Variants in MLLT6 observed in about 807,000 individuals in gnomAD.
MLLT6 encodes protein AF-17.
A neutral mutation model predicts 103.0 loss-of-function variants in MLLT6; 22 were observed. That is an observed-to-expected ratio of 0.21 (90% CI 0.15 to 0.31). The LOEUF (loss-of-function observed/expected upper bound fraction) is 0.31, where lower values mean the gene tolerates loss of function less well. MLLT6 is among the 10% of genes least tolerant of loss of function. The probability of loss-of-function intolerance (pLI) is 1.00; values close to 1 mark genes in which losing one functional copy is unlikely to be tolerated. For missense variants in MLLT6, 1,199 were observed against 1,441.7 expected (o/e 0.83, Z 2.73); for synonymous variants, 606 against 623.5 (o/e 0.97, Z 0.42).
intron 18 of MLLT6, among the ~76,000 whole-genome samples, chr17:38,723,719 CAA>C (rs1281875336): frequency 6.8e-6 from 1 of 147,510 alleles, no homozygotes; most frequent in East Asian, 2.0e-4. Context: ...GCAAACAAAA[CAA>C]AAGAGAAAGG....
Position 38,713,459 on chromosome 17 carries a change from G to C in MLLT6, c.819+670G>C, listed in dbSNP as rs115680468. The C allele has an allele frequency of 4.3e-3, 881 of 204,252 alleles. 12 individuals carry two copies. The highest frequency in any genetic ancestry group is 0.019 in the African/African-American group (826 of 43,582). The allele number at this position is 204,252 out of a possible 1,614,324, so 12.7% of individuals were successfully genotyped here. A position where few individuals can be genotyped will look rare whatever the true frequency, so the allele number is the denominator to read the frequency against. On this transcript the variant is annotated intron_variant, in intron 8 of 19. Transcript: ENST00000621332. ...CATGGGAGGAGAACCTGGTAGGGTG[G>C]GGGGAGATGGAGAAACTGCTCCCTC... is the stretch of plus-strand genomic sequence containing the variant.
rs759569196 is a variant in MLLT6, at chr17:38,716,349, T to G, written c.1037-18T>G. 1.3e-6 allele frequency: 2 copies of G among 1,598,018 alleles called. No individual in the cohort carries two copies. Among genetic ancestry groups the G allele is most frequent in the Admixed American group, 1.8e-5 (1 of 54,170 alleles). ...GGGATCTGGGGTCCAGCTGTAACTG[T>G]TTCCCCTCTGTGCACAGTCTCGTCC... On this transcript the variant is annotated intron_variant, in intron 9 of 19. Transcript: ENST00000621332. This position sits in a 1 kb window ranked among gnomAD's most constrained non-coding sequence, Gnocchi z 5.6.
chr17:38,724,514 C>A lies in MLLT6; in HGVS notation c.2884-106C>A. The A allele has an allele frequency of 1.2e-6, 1 of 817,166 alleles. No individual in the cohort carries two copies. Among genetic ancestry groups the A allele is most frequent in the East Asian group, 2.7e-5 (1 of 37,130 alleles). The allele number at this position is 817,166 out of a possible 1,614,324, so 50.6% of individuals were successfully genotyped here. On this transcript the variant is annotated intron_variant, in intron 18 of 19. Transcript: ENST00000621332. The surrounding 1 kb of genome is among the most constrained non-coding windows in gnomAD (Gnocchi z 5.4). ...TGACTGTCTCACAGGCCTCTTGCCT[C>A]CTGATTCCAGTGTGATGGGGTGGGG...
In MLLT6 at chr17:38,721,960, A is replaced by C. The variant is rs1426560055; in HGVS notation, c.2525A>C (p.Gln842Pro). 2.6e-6 allele frequency: 4 copies of C among 1,517,838 alleles called. No homozygotes were observed. In the African/African-American group the frequency reaches 5.6e-5, roughly 21 times the overall value. The allele number at this position is 1,517,838 out of a possible 1,614,324, so 94.0% of individuals were successfully genotyped here. Reference sequence around the variant, plus strand: ...CCCCCACCGCTGCCCCTCCTCCAGCAGAGCCCTGCCACTCTGCCCCTGGCC... The same window carrying C: ...CCCCCACCGCTGCCCCTCCTCCAGCCGAGCCCTGCCACTCTGCCCCTGGCC... The part of the protein sequence containing the change: ...STPPPLPLLQ[Q>P]SPATLPLALP... Residue 842 changes from glutamine (Q) to proline (P), a missense_variant, in exon 17 of 20, where the codon CAG becomes CCG. Physicochemically the swap from Gln to Pro is moderately conservative, Grantham distance 76. This residue lies in a region of MLLT6 where 1,034 missense variants were observed against 1,091.5 expected (regional missense o/e 0.95). Transcript: ENST00000621332.
At position 38,720,508 on chromosome 17, in the gene MLLT6, G is replaced by A. The variant is rs752215141; in HGVS notation, c.2292G>A (p.Leu764=). ...NVQLSVPFPA[L]PAALPAANGP... is the part of the protein sequence containing the mutation. ...AGCTCTCTGTGCCCTTCCCTGCCCT[G>A]CCTGCTGCCCTGCCTGCCGCCAACG... Residue 764 remains leucine (L), a synonymous_variant, in exon 15 of 20, where the codon CTG becomes CTA. Coordinates refer to ENST00000621332, the MANE Select transcript of MLLT6 (RefSeq NM_005937.4). The A allele has an allele frequency of 6.2e-7, 1 of 1,612,378 alleles. No individual in the cohort carries two copies. Among genetic ancestry groups the A allele is most frequent in the South Asian group, 1.1e-5 (1 of 90,994 alleles).
At position 38,722,193 on chromosome 17, in the gene MLLT6, G is replaced by T. The variant is rs925834953; in HGVS notation, c.2758G>T (p.Ala920Ser). The T allele has an allele frequency of 6.6e-6, 9 of 1,365,694 alleles. No homozygotes were observed. The East Asian group carries it at 2.4e-4, about 36-fold the overall frequency. 84.6% of individuals were successfully genotyped at this position (1,365,694 alleles called of 1,614,324 possible). A position where few individuals can be genotyped will look rare whatever the true frequency, so the allele number is the denominator to read the frequency against. The part of the protein sequence containing the change: ...NPASLSQAGG[A>S]PTLQLPGCLN... ...CGCAAGCTTGAGCCAGGCTGGCGGG[G>T]CCCCCACGCTGCAGCTGCCAGGCTG... The change falls in exon 17 of 20, where the codon GCC becomes TCC. Residue 920 changes from alanine to serine, a missense_variant. By Grantham distance (99) the Ala-to-Ser change is moderately conservative. Transcript: ENST00000621332.
Position 38,728,386 on chromosome 17 carries a change from G to C in MLLT6, c.*2788G>C. 2 of 233,242 alleles carry C rather than the reference G, an allele frequency of 8.6e-6. No homozygotes were observed. Among genetic ancestry groups the C allele is most frequent in the Middle Eastern group, 1.2e-3 (1 of 808 alleles). 14.4% of individuals were successfully genotyped at this position (233,242 alleles called of 1,614,324 possible). A position where few individuals can be genotyped will look rare whatever the true frequency, so the allele number is the denominator to read the frequency against. ...CCCAGATTTGTAGATCTCTTTGTCTGGGGGAGGGGAAGGATGTGGTTTGCA... is the reference window on the plus strand; with the variant it reads ...CCCAGATTTGTAGATCTCTTTGTCTCGGGGAGGGGAAGGATGTGGTTTGCA... On this transcript the variant is annotated 3_prime_UTR_variant, in exon 20 of 20. Coordinates refer to ENST00000621332, the MANE Select transcript of MLLT6 (RefSeq NM_005937.4).
Position 38,716,215 on chromosome 17 carries a change from C to T in MLLT6, c.1037-152C>T, listed in dbSNP as rs1234146848. 2 of 788,088 alleles carry T rather than the reference C, an allele frequency of 2.5e-6. No homozygotes were observed. The highest frequency in any genetic ancestry group is 5.4e-5 in the East Asian group (2 of 37,166). 48.8% of individuals were successfully genotyped at this position (788,088 alleles called of 1,614,324 possible). On this transcript the variant is annotated intron_variant, in intron 9 of 19. Coordinates refer to ENST00000621332, the MANE Select transcript of MLLT6 (RefSeq NM_005937.4). This position sits in a 1 kb window ranked among gnomAD's most constrained non-coding sequence, Gnocchi z 5.6. ...GGGAAAGCTGGAGGGGTCGGGGGTA[C>T]TCATCCCAGGACACAGACAGTGGCA... is the stretch of plus-strand genomic sequence containing the variant.
chr17:38,709,049 C>T lies in MLLT6; in HGVS notation c.355-124C>T, dbSNP rs1177609908. The T allele has an allele frequency of 1.4e-6, 1 of 738,292 alleles. No individual in the cohort carries two copies. Among genetic ancestry groups the T allele is most frequent in the Non-Finnish European group, 2.3e-6 (1 of 437,426 alleles). 45.7% of individuals were successfully genotyped at this position (738,292 alleles called of 1,614,324 possible). ...CATAGAGCGTTTTCATCACTGCAGA[C>T]AGTTCTGTGGGATAGCACTGATCTA... On this transcript the variant is annotated intron_variant, in intron 4 of 19. Transcript: ENST00000621332. This position sits in a 1 kb window ranked among gnomAD's most constrained non-coding sequence, Gnocchi z 4.3.
Position 38,716,844 on chromosome 17 carries a change from G to T in MLLT6, c.1514G>T (p.Gly505Val), listed in dbSNP as rs185399581. Reference protein sequence around the residue: ...APSLPSAQLAGFTATAASPFS... With the variant: ...APSLPSAQLAVFTATAASPFS... Reference sequence around the variant, plus strand: ...TCCTTGCCCAGTGCCCAGCTGGCTGGCTTTACCGCCACTGCTGCCTCACCC... The same window carrying T: ...TCCTTGCCCAGTGCCCAGCTGGCTGTCTTTACCGCCACTGCTGCCTCACCC... Residue 505 changes from glycine to valine, a missense_variant, in exon 10 of 20, where the codon GGC (glycine) becomes GTC (valine). Coordinates refer to ENST00000621332, the MANE Select transcript of MLLT6 (RefSeq NM_005937.4). This position sits in a 1 kb window ranked among gnomAD's most constrained non-coding sequence, Gnocchi z 5.6. 93 of 1,612,708 alleles carry T rather than the reference G, an allele frequency of 5.8e-5. No homozygotes were observed. The highest frequency in any genetic ancestry group is 7.6e-5 in the Non-Finnish European group (90 of 1,179,444).
At position 38,721,946 on chromosome 17, in the gene MLLT6, G is replaced by T; in HGVS notation, c.2511G>T (p.Leu837=). ...SLSFHSTPPP[L]PLLQQSPATL... ...CCTTCCACAGCACGCCCCCACCGCT[G>T]CCCCTCCTCCAGCAGAGCCCTGCCA... The change falls in exon 17 of 20, where the codon CTG becomes CTT. Residue 837 remains leucine, a synonymous_variant. Coordinates refer to ENST00000621332, the MANE Select transcript of MLLT6 (RefSeq NM_005937.4). 1 of 1,531,650 alleles carries T rather than the reference G, an allele frequency of 6.5e-7. No homozygotes were observed. The allele number at this position is 1,531,650 out of a possible 1,614,324, so 94.9% of individuals were successfully genotyped here. A position where few individuals can be genotyped will look rare whatever the true frequency, so the allele number is the denominator to read the frequency against.
chr17:38,716,833 C>A lies in MLLT6; in HGVS notation c.1503C>A (p.Ala501=). ...CAGCTGCCCCATCCTTGCCCAGTGC[C>A]CAGCTGGCTGGCTTTACCGCCACTG... ...GGPAAPSLPS[A]QLAGFTATAA... The change falls in exon 10 of 20, where the codon GCC becomes GCA. Residue 501 remains alanine (A), a synonymous_variant. Coordinates refer to ENST00000621332, the MANE Select transcript of MLLT6 (RefSeq NM_005937.4). This position sits in a 1 kb window ranked among gnomAD's most constrained non-coding sequence, Gnocchi z 5.6. The A allele has an allele frequency of 6.2e-7, 1 of 1,612,754 alleles. No individual in the cohort carries two copies.
At chr17:38,719,328 G>A in intron 12 of MLLT6, 189 bp from the exon 13 acceptor site, 1 of 599,410 alleles carries the variant, frequency 1.7e-6, no homozygotes, top group Admixed American at 2.9e-5. Flanking sequence ...GATGCCCGGG[G>A]TTTGCCTCCC....
intron 14 of MLLT6, chr17:38,720,101 CCT>C (rs1905622304): frequency 1.3e-6 from 1 of 777,196 alleles, no homozygotes; most frequent in Non-Finnish European, 2.0e-6. Context: ...GCCTTCGTGG[CCT>C]CCGGGCCCCG....
rs1314622544 is a variant in MLLT6, at chr17:38,722,653, CCCCCA to C, written c.2793-20_2793-16del. On this transcript the variant is annotated intron_variant, in intron 17 of 19. Transcript: ENST00000621332. ...CCCCCATGGTCTGTGTGTTGTCCCC[CCCCCA>C]CCCCCCACCCCCACCTCAGCCTTAC... 5 of 456,294 alleles carry C rather than the reference CCCCCA, an allele frequency of 1.1e-5. No homozygotes were observed. Among genetic ancestry groups the C allele is most frequent in the Non-Finnish European group, 1.6e-5 (4 of 244,430 alleles). 28.3% of individuals were successfully genotyped at this position (456,294 alleles called of 1,614,324 possible).
At position 38,725,625 on chromosome 17, in the gene MLLT6, C is replaced by T. The variant is rs372225607; in HGVS notation, c.*27C>T. 25 of 1,563,468 alleles carry T rather than the reference C, an allele frequency of 1.6e-5. 1 individual carries two copies. In the South Asian group the frequency reaches 1.7e-4, roughly 11 times the overall value. On this transcript the variant is annotated 3_prime_UTR_variant, in exon 20 of 20. Coordinates refer to ENST00000621332, the MANE Select transcript of MLLT6 (RefSeq NM_005937.4). Reference sequence around the variant, plus strand: ...TCCACCCTTACCCCTCCTGACCCCCCCAAGTGGAGGGAACAGATCCTGGCC... The same window carrying T: ...TCCACCCTTACCCCTCCTGACCCCCTCAAGTGGAGGGAACAGATCCTGGCC...
intron 8 of MLLT6, 117 bp downstream of exon 8, chr17:38,712,906 T>G (rs1229289622): frequency 1.3e-6 from 1 of 763,694 alleles, no homozygotes; most frequent in South Asian, 1.4e-5. Flanking sequence ...CAGCTTCAAG[T>G]TAATGCCACT....
chr17:38,719,653 G>T (rs749296206), intron 13 of MLLT6, 70 bp downstream of exon 13: 26 of 1,567,178 alleles, frequency 1.7e-5, no homozygotes, highest in Non-Finnish European at 2.3e-5. Flanking sequence ...GGGACGGAGA[G>T]ACCGGCGTGG....
Position 38,728,225 on chromosome 17 carries a change from A to G in MLLT6, c.*2627A>G, listed in dbSNP as rs912158547. ...AGAGAGGTAGTGGCATTTCCTTCTC[A>G]GGGAGCTTCAATGGGAAAGGTCTCG... is the stretch of plus-strand genomic sequence containing the variant. On this transcript the variant is annotated 3_prime_UTR_variant, in exon 20 of 20. Transcript: ENST00000621332. 7 of 233,184 alleles carry G rather than the reference A, an allele frequency of 3.0e-5. No individual in the cohort carries two copies. The highest frequency in any genetic ancestry group is 1.3e-4 in the African/African-American group (6 of 45,322). The allele number at this position is 233,184 out of a possible 1,614,324, so 14.4% of individuals were successfully genotyped here.
Sources: gnomAD v4.1 joint callset for allele counts (sites outside exome capture counted in the v4.1 genomes callset) on GRCh38, gnomAD v4.1.1 for gene constraint, gnomAD v4.1.1 regional missense constraint, Gnocchi (gnomAD v3.1) non-coding constraint, MANE v1.5 for transcripts, NCBI Gene and HGNC (gene_info 2026-07-23, HGNC 2026-07-21) for gene names.